CSMD1: variants seen among roughly 807,000 people sequenced by gnomAD.
CSMD1 encodes the protein CUB and Sushi multiple domains 1, also known as CUB and sushi domain-containing protein 1.
Under a neutral mutation model 417.5 loss-of-function variants are expected in CSMD1, and 213 were observed. The ratio of observed to expected loss-of-function variants is 0.51; its 90% confidence interval spans 0.46 to 0.57. The LOEUF (loss-of-function observed/expected upper bound fraction) is 0.57. Ranked by LOEUF, CSMD1 falls within the 20% of genes least tolerant of loss-of-function variation. The probability of loss-of-function intolerance (pLI) is 0.00; values close to 1 mark genes in which losing one functional copy is unlikely to be tolerated. For missense variants in CSMD1, 6,923 were observed against 4,529.7 expected, an observed-to-expected ratio of 1.53 and a Z score of -15.17; for synonymous variants, 2,862 against 1,736.8, an observed-to-expected ratio of 1.65 and a Z score of -16.11.
intron 10 of CSMD1, among the ~76,000 whole-genome samples, chr8:3,531,364 T>G (rs1797973440): frequency 6.6e-6 from 1 of 152,184 alleles, no homozygotes; most frequent in Admixed American, 6.5e-5. Flanking sequence ...TATGCGGCAT[T>G]TGCTCAGATG....
intron 33 of CSMD1, among the ~76,000 whole-genome samples, chr8:3,193,488 G>T (rs1254172886): frequency 6.6e-6 from 1 of 152,102 alleles, no homozygotes; most frequent in East Asian, 1.9e-4. Context: ...AAATCAGACA[G>T]TGCTGTGTAA....
chr8:3,714,025 CAGATAGAT>C (rs36006305), intron 6 of CSMD1, among the ~76,000 whole-genome samples: 215 of 147,150 alleles, frequency 1.5e-3, no homozygotes, highest in African/African-American at 4.9e-3. Context: ...GCTCACTATG[CAGATAGAT>C]AGATAGATAG....
chr8:2,974,526 C>T lies in CSMD1; in HGVS notation c.8665G>A (p.Glu2889Lys), dbSNP rs199571932. ...CTCGTGTCGTTGCCTATGAGGCTCT[C>T]GCTCCCTCTGCAGGAGTAGTGCACG... ...AVVHYSCRGSESLIGNDTRVC... is the reference protein window; with the variant it reads ...AVVHYSCRGSKSLIGNDTRVC... The change falls in exon 56 of 70, where the codon GAG (glutamate) becomes AAG (lysine). Residue 2889 changes from glutamate to lysine, a missense_variant. By Grantham distance (56) the Glu-to-Lys change is moderately conservative (BLOSUM62 1). Transcript: ENST00000635120. 53 of 1,613,488 alleles carry T rather than the reference C, an allele frequency of 3.3e-5. No homozygotes were observed. The highest frequency in any genetic ancestry group is 3.1e-4 in the South Asian group (28 of 90,954).
At position 3,602,190 on chromosome 8, in the gene CSMD1, A is replaced by G. The variant is rs541559908; in HGVS notation, c.1097+14520T>C. Among the ~76,000 whole-genome samples, 21 of 152,314 alleles carry G rather than the reference A, an allele frequency of 1.4e-4. 1 individual carries two copies. In the South Asian group the frequency reaches 3.9e-3, roughly 29 times the overall value. On this transcript the variant is annotated intron_variant, in intron 8 of 69. Coordinates refer to ENST00000635120, the MANE Select transcript of CSMD1 (RefSeq NM_033225.6). ...TCACAATTAAACATTCTCTTTAAAA[A>G]TCTTCATGACTGGTCCATCTTCCTG... is the stretch of plus-strand genomic sequence containing the variant.
chr8:4,295,752 A>C (rs10091579), intron 3 of CSMD1, among the ~76,000 whole-genome samples: 13 of 124,764 alleles, frequency 1.0e-4, no homozygotes, highest in African/African-American at 4.0e-4. Context: ...GTGTGTGTGT[A>C]TATATATATA....
chr8:4,179,366 G>T (rs1268719708), intron 3 of CSMD1, among the ~76,000 whole-genome samples: 1 of 152,118 alleles, frequency 6.6e-6, no homozygotes, highest in African/African-American at 2.4e-5. Flanking sequence ...GGGAAAACTG[G>T]CTAGCCATAT....
At chr8:3,965,231 C>T (rs560910853) in intron 5 of CSMD1, among the ~76,000 whole-genome samples, 4 of 152,152 alleles carry the variant, frequency 2.6e-5, no homozygotes, top group South Asian at 2.1e-4. Flanking sequence ...TGAACAGAGA[C>T]GGCAAATGCT....
At chr8:3,953,427 A>G (rs1027068157) in intron 5 of CSMD1, among the ~76,000 whole-genome samples, 1 of 152,168 alleles carries the variant, frequency 6.6e-6, no homozygotes, top group Non-Finnish European at 1.5e-5. Context: ...GAATGTTTCT[A>G]CTCAAAAATT....
At chr8:2,990,793 G>A (rs1052776045) in intron 54 of CSMD1, among the ~76,000 whole-genome samples, 8 of 152,274 alleles carry the variant, frequency 5.3e-5, no homozygotes, top group African/African-American at 1.9e-4. Context: ...TTGTTCAGAA[G>A]TATTCACCTA....
intron 1 of CSMD1, among the ~76,000 whole-genome samples, chr8:4,669,977 T>C (rs1156519188): frequency 2.0e-5 from 3 of 152,186 alleles, no homozygotes; most frequent in African/African-American, 7.2e-5. Context: ...GCTGCTGAGC[T>C]GAAGATCTAT....
intron 5 of CSMD1, among the ~76,000 whole-genome samples, chr8:3,933,508 A>G (rs1468869247): frequency 6.6e-6 from 1 of 152,146 alleles, no homozygotes; most frequent in Non-Finnish European, 1.5e-5. Context: ...TTTAACAGAG[A>G]AGACCACAGT....
chr8:3,956,697 A>G (rs558522470), intron 5 of CSMD1, among the ~76,000 whole-genome samples: 8 of 152,288 alleles, frequency 5.3e-5, no homozygotes, highest in East Asian at 1.9e-4. Context: ...GGCAGAACCT[A>G]TATTTGAAAC....
At chr8:4,136,616 T>G (rs1395812349) in intron 3 of CSMD1, among the ~76,000 whole-genome samples, 2 of 152,232 alleles carry the variant, frequency 1.3e-5, no homozygotes, top group African/African-American at 4.8e-5. Flanking sequence ...AGAGGTTGAA[T>G]ATATTTCCAT....
At chr8:4,640,518 G>C (rs1306347700) in intron 1 of CSMD1, among the ~76,000 whole-genome samples, 1 of 152,044 alleles carries the variant, frequency 6.6e-6, no homozygotes, top group African/African-American at 2.4e-5. Flanking sequence ...CTTTTCTCTT[G>C]GATCTTATAC....
chr8:4,707,675 T>A (rs1192139388), intron 1 of CSMD1, among the ~76,000 whole-genome samples: 1 of 151,790 alleles, frequency 6.6e-6, no homozygotes, highest in East Asian at 1.9e-4. Flanking sequence ...TCACCTGAGG[T>A]CAGGAGTTCC....
rs147741032 is a variant in CSMD1, at chr8:3,003,993, A to G, written c.8030-3862T>C. Among the ~76,000 whole-genome samples the G allele has an allele frequency of 4.9e-3, 752 of 152,310 alleles. 3 individuals carry two copies. The highest frequency in any genetic ancestry group is 0.017 in the African/African-American group (703 of 41,566). ...TTAGTACATAGTAGGTGTCAGCCCC[A>G]CTGCGTGACTCTGCCACTATTTGAA... is the stretch of plus-strand genomic sequence containing the variant. On this transcript the variant is annotated intron_variant, in intron 52 of 69. Transcript: ENST00000635120.
chr8:4,237,304 G>A (rs895750653), intron 3 of CSMD1, among the ~76,000 whole-genome samples: 3 of 152,048 alleles, frequency 2.0e-5, no homozygotes, highest in Non-Finnish European at 4.4e-5. Flanking sequence ...ATATTGAGAG[G>A]GAATGTTAAC....
intron 3 of CSMD1, among the ~76,000 whole-genome samples, chr8:4,268,013 T>C (rs970575473): frequency 6.6e-6 from 1 of 152,118 alleles, no homozygotes; most frequent in East Asian, 1.9e-4. Context: ...CAGATAGGAA[T>C]AAGACATATA....
intron 2 of CSMD1, among the ~76,000 whole-genome samples, chr8:4,539,628 G>C (rs181545568): frequency 4.6e-5 from 7 of 152,272 alleles, no homozygotes; most frequent in African/African-American, 1.7e-4. Flanking sequence ...ATGTACCACA[G>C]GTGGACTGCA....
Sources: allele counts gnomAD v4.1 joint callset (sites outside exome capture counted in the v4.1 genomes callset), GRCh38; gene constraint gnomAD v4.1.1; transcripts MANE v1.5; gene names NCBI Gene and HGNC (gene_info 2026-07-23, HGNC 2026-07-21).